The following PTK2B variants were observed in gnomAD, a reference collection of about 807,000 sequenced individuals.
PTK2B encodes the protein protein tyrosine kinase 2 beta.
In PTK2B, 71 loss-of-function variants were observed where a neutral mutation model predicts 142.9. The observed-to-expected ratio is 0.50, with a 90% CI of 0.41 to 0.61. The LOEUF (loss-of-function observed/expected upper bound fraction) is 0.61, where lower values mean the gene tolerates loss of function less well. Ranked by LOEUF, PTK2B falls within the 20% of genes least tolerant of loss-of-function variation. The pLI is 0.00. For missense variants in PTK2B, 1,105 were observed against 1,320.4 expected (o/e 0.84, Z 2.53); for synonymous variants, 519 against 503.4 (o/e 1.03, Z -0.42).
At chr8:27,397,468 G>A (rs1017332630) in intron 1 of PTK2B, 80 bp from the exon 2 acceptor site, 4 of 1,085,392 alleles carry the variant, frequency 3.7e-6, no homozygotes, top group Admixed American at 3.9e-5. Flanking sequence ...TTGGAGCTCG[G>A]TGGGTGCTGT....
At chr8:27,374,397 C>A (rs1486127592) in intron 1 of PTK2B, among the ~76,000 whole-genome samples, 3 of 152,258 alleles carry the variant, frequency 2.0e-5, no homozygotes, top group African/African-American at 7.2e-5. Context: ...CCCCTCACAA[C>A]AGGAGTCCCA....
intron 1 of PTK2B, among the ~76,000 whole-genome samples, chr8:27,345,030 G>C (rs1255047007): frequency 6.6e-6 from 1 of 152,216 alleles, no homozygotes; most frequent in Non-Finnish European, 1.5e-5. Flanking sequence ...AGACATGGTG[G>C]TGGGCACCTG....
intron 1 of PTK2B, among the ~76,000 whole-genome samples, chr8:27,361,411 T>C (rs528970930): frequency 6.6e-6 from 1 of 152,072 alleles, no homozygotes; most frequent in Non-Finnish European, 1.5e-5. Flanking sequence ...TTTGTACAGA[T>C]GGGGGTCTCA....
At chr8:27,380,862 G>A (rs1391964268) in intron 1 of PTK2B, 1 of 152,220 alleles carries the variant, frequency 6.6e-6, no homozygotes. Flanking sequence ...GCCTCACCGG[G>A]TGGGTACCAG....
chr8:27,381,986 G>A (rs1807054379), intron 1 of PTK2B, among the ~76,000 whole-genome samples: 1 of 152,192 alleles, frequency 6.6e-6, no homozygotes, highest in Non-Finnish European at 1.5e-5. Flanking sequence ...GTCTCACTCT[G>A]TTGCCCAGGC....
At position 27,436,388 on chromosome 8, in the gene PTK2B, G is replaced by A. The variant is rs1404884951; in HGVS notation, c.1341+40G>A. The A allele has an allele frequency of 1.9e-6, 3 of 1,560,986 alleles. No individual in the cohort carries two copies. The African/African-American group carries it at 4.1e-5, about 21-fold the overall frequency. ...CTTCCCTTACACTCCTCTTCCACAT[G>A]TCTGTAGGGTGAGACAGAGCTCGAA... On this transcript the variant is annotated intron_variant, in intron 15 of 30. Coordinates refer to ENST00000346049, the MANE Select transcript of PTK2B (RefSeq NM_173176.3).
chr8:27,359,489 A>C (rs1417309347), intron 1 of PTK2B, among the ~76,000 whole-genome samples: 1 of 152,172 alleles, frequency 6.6e-6, no homozygotes, highest in African/African-American at 2.4e-5. Context: ...TATAACGTGC[A>C]TCTGCTGCCC....
intron 1 of PTK2B, among the ~76,000 whole-genome samples, chr8:27,330,887 C>T (rs1205178418): frequency 6.6e-6 from 1 of 152,130 alleles, no homozygotes; most frequent in African/African-American, 2.4e-5. Flanking sequence ...TTACCTTTTC[C>T]CAGCACTAAG....
intron 2 of PTK2B, among the ~76,000 whole-genome samples, chr8:27,398,853 C>T (rs373674591): frequency 1.4e-4 from 21 of 152,374 alleles, no homozygotes; most frequent in African/African-American, 5.0e-4. Flanking sequence ...TCTGCTATAG[C>T]ACACGCTGTG....
In PTK2B at chr8:27,459,098, A is replaced by G; in HGVS notation, c.*589A>G. The G allele has an allele frequency of 4.1e-6, 1 of 241,478 alleles. No individual in the cohort carries two copies. Among genetic ancestry groups the G allele is most frequent in the Non-Finnish European group, 8.2e-6 (1 of 121,886 alleles). 15.0% of individuals were successfully genotyped at this position (241,478 alleles called of 1,614,324 possible). ...CTGGGGCACAGTCCAGGAACAAGCT[A>G]ATTGGGAGTCCAGGCACAGGATGCT... On this transcript the variant is annotated 3_prime_UTR_variant, in exon 31 of 31. Coordinates refer to ENST00000346049, the MANE Select transcript of PTK2B (RefSeq NM_173176.3).
At chr8:27,406,544 G>A (rs1387103628) in intron 2 of PTK2B, among the ~76,000 whole-genome samples, 1 of 152,180 alleles carries the variant, frequency 6.6e-6, no homozygotes. Context: ...CTCACCGAAT[G>A]TGTGAGTCAG....
chr8:27,430,798 C>A, intron 7 of PTK2B, 78 bp from the exon 8 acceptor site: 3 of 1,545,426 alleles, frequency 1.9e-6, no homozygotes, highest in South Asian at 1.2e-5. Context: ...AGTGGGCAGT[C>A]TCTCAGCGAG....
intron 1 of PTK2B, among the ~76,000 whole-genome samples, chr8:27,360,045 C>A (rs941650908): frequency 1.3e-5 from 2 of 152,176 alleles, no homozygotes; most frequent in Non-Finnish European, 2.9e-5. Context: ...CTTTACCACT[C>A]GGATGTGATT....
At chr8:27,342,798 G>C (rs772846691) in intron 1 of PTK2B, among the ~76,000 whole-genome samples, 2 of 152,156 alleles carry the variant, frequency 1.3e-5, no homozygotes, top group Non-Finnish European at 2.9e-5. Flanking sequence ...ATAGTCCTGA[G>C]GATGGAGTCC....
At chr8:27,352,684 C>T (rs1805167236) in intron 1 of PTK2B, among the ~76,000 whole-genome samples, 1 of 152,182 alleles carries the variant, frequency 6.6e-6, no homozygotes, top group Admixed American at 6.5e-5. Context: ...CAACACTGTT[C>T]TCATGATGGT....
At chr8:27,391,080 CTTT>C (rs34857478) in intron 1 of PTK2B, among the ~76,000 whole-genome samples, 3 of 142,558 alleles carry the variant, frequency 2.1e-5, no homozygotes, top group East Asian at 2.0e-4. Flanking sequence ...GGAACAGAAC[CTTT>C]TTTTTTTTTT....
intron 1 of PTK2B, among the ~76,000 whole-genome samples, chr8:27,355,399 C>A (rs1195764092): frequency 6.6e-6 from 1 of 152,206 alleles, no homozygotes; most frequent in South Asian, 2.1e-4. Context: ...GAGGAAGGAA[C>A]CGCGAGCCAA....
At chr8:27,458,242 C>G (rs1812272079) in intron 30 of PTK2B, 52 bp from the exon 31 acceptor site, 1 of 1,561,994 alleles carries the variant, frequency 6.4e-7, no homozygotes, top group African/African-American at 1.4e-5. Context: ...TCCCTATCCT[C>G]CAAGCACAGA....
chr8:27,329,190 C>T (rs1024398563), intron 1 of PTK2B, among the ~76,000 whole-genome samples: 1 of 152,176 alleles, frequency 6.6e-6, no homozygotes, highest in Non-Finnish European at 1.5e-5. Context: ...CCTGCCTCAG[C>T]CTCCCAAAGT....
Sources: gnomAD v4.1 joint callset for allele counts (sites outside exome capture counted in the v4.1 genomes callset) on GRCh38, gnomAD v4.1.1 for gene constraint, MANE v1.5 for transcripts, NCBI Gene and HGNC (gene_info 2026-07-23, HGNC 2026-07-21) for gene names.